The following PLEKHA5 variants were observed in gnomAD, a reference collection of about 807,000 sequenced individuals.
PLEKHA5 encodes the protein pleckstrin homology domain-containing family A member 5.
PLEKHA5 carries 55 observed loss-of-function variants against 181.9 expected under a neutral mutation model. The ratio of observed to expected loss-of-function variants is 0.30; its 90% confidence interval spans 0.24 to 0.38. The LOEUF (loss-of-function observed/expected upper bound fraction) is 0.38, where lower values mean the gene tolerates loss of function less well. Among genes scored for constraint, PLEKHA5 ranks in the 10% least tolerant of loss-of-function variants. PLEKHA5 has a pLI of 1.00. For missense variants in PLEKHA5, 1,432 were observed against 1,549.5 expected (o/e 0.92, Z 1.27); for synonymous variants, 535 against 529.4 (o/e 1.01, Z -0.15).
chr12:19,324,504 A>G (rs889202282), intron 20 of PLEKHA5, among the ~76,000 whole-genome samples: 4 of 152,226 alleles, frequency 2.6e-5, no homozygotes, highest in African/African-American at 7.2e-5. Flanking sequence ...AATAAATAAT[A>G]TACCTAAAAC....
intron 15 of PLEKHA5, among the ~76,000 whole-genome samples, chr12:19,310,178 C>T (rs1047477483): frequency 1.3e-5 from 2 of 152,194 alleles, no homozygotes; most frequent in African/African-American, 2.4e-5. Flanking sequence ...AATCCTTAAA[C>T]ATCCTACGTG....
At chr12:19,374,508 A>C (rs1362841483) in intron 31 of PLEKHA5, among the ~76,000 whole-genome samples, 1 of 151,664 alleles carries the variant, frequency 6.6e-6, no homozygotes, top group African/African-American at 2.4e-5. Context: ...AAAATACAAA[A>C]ATTAGCTGGG....
At chr12:19,301,973 A>G (rs987640835) in intron 15 of PLEKHA5, among the ~76,000 whole-genome samples, 7 of 152,194 alleles carry the variant, frequency 4.6e-5, no homozygotes, top group African/African-American at 1.7e-4. Flanking sequence ...TGACCTATTT[A>G]TAAAGACCCC....
chr12:19,216,104 A>G (rs1441562618), intron 3 of PLEKHA5, among the ~76,000 whole-genome samples: 1 of 152,214 alleles, frequency 6.6e-6, no homozygotes, highest in Non-Finnish European at 1.5e-5. Context: ...ATAAGTTACC[A>G]TGCTGTCAGA....
intron 3 of PLEKHA5, among the ~76,000 whole-genome samples, chr12:19,203,360 C>T (rs1429068316): frequency 6.6e-6 from 1 of 152,096 alleles, no homozygotes; most frequent in Non-Finnish European, 1.5e-5. Context: ...CTTCCAGATT[C>T]CATCCCAGAA....
At chr12:19,185,855 A>T (rs1591980447) in intron 3 of PLEKHA5, among the ~76,000 whole-genome samples, 1 of 152,212 alleles carries the variant, frequency 6.6e-6, no homozygotes, top group East Asian at 1.9e-4. Flanking sequence ...ACACATACAT[A>T]TAAAATCTTG....
chr12:19,209,714 T>G (rs1592073522), intron 3 of PLEKHA5, among the ~76,000 whole-genome samples: 2 of 152,182 alleles, frequency 1.3e-5, no homozygotes, highest in African/African-American at 4.8e-5. Context: ...GTGGAAGTGG[T>G]TTAGTCAAAG....
At chr12:19,271,516 A>G (rs1274320216) in intron 10 of PLEKHA5, among the ~76,000 whole-genome samples, 1 of 152,192 alleles carries the variant, frequency 6.6e-6, no homozygotes, top group African/African-American at 2.4e-5. Flanking sequence ...AAAAATAAAA[A>G]TAAAACTTCA....
chr12:19,195,624 G>T (rs1336754278), intron 3 of PLEKHA5, among the ~76,000 whole-genome samples: 1 of 142,250 alleles, frequency 7.0e-6, no homozygotes, highest in Non-Finnish European at 1.5e-5. Context: ...AGTGCGCTGA[G>T]ATTGCGCCAT....
intron 3 of PLEKHA5, among the ~76,000 whole-genome samples, chr12:19,139,168 G>A (rs1239823605): frequency 6.6e-6 from 1 of 152,120 alleles, no homozygotes; most frequent in Non-Finnish European, 1.5e-5. Context: ...TGCTGAGCAA[G>A]GAGGTTGACA....
intron 3 of PLEKHA5, among the ~76,000 whole-genome samples, chr12:19,232,136 T>C (rs537417606): frequency 1.1e-3 from 164 of 152,286 alleles, no homozygotes; most frequent in Non-Finnish European, 2.0e-3. Context: ...AATGAACTTA[T>C]TAGATGTTAG....
At chr12:19,210,595 A>C (rs1223096148) in intron 3 of PLEKHA5, among the ~76,000 whole-genome samples, 2 of 152,208 alleles carry the variant, frequency 1.3e-5, no homozygotes, top group Non-Finnish European at 2.9e-5. Context: ...GGAGCTATAC[A>C]TTTTCCTTGA....
At chr12:19,297,862 C>T (rs143176271) in intron 15 of PLEKHA5, among the ~76,000 whole-genome samples, 205 of 150,258 alleles carry the variant, frequency 1.4e-3, no homozygotes, top group Non-Finnish European at 2.3e-3. Context: ...GTCTTTTTAT[C>T]AGTACATTTT....
intron 15 of PLEKHA5, chr12:19,306,684 G>A (rs568847089): frequency 2.0e-6 from 3 of 1,473,386 alleles, no homozygotes; most frequent in African/African-American, 2.8e-5. Flanking sequence ...GCTCTGAGCA[G>A]ATGCGGACTC....
chr12:19,171,534 C>T (rs1005064029), intron 3 of PLEKHA5, among the ~76,000 whole-genome samples: 7 of 151,862 alleles, frequency 4.6e-5, no homozygotes, highest in Admixed American at 4.6e-4. Context: ...AGTGGCGGTA[C>T]CTCGGCAGAG....
chr12:19,173,483 A>G (rs922601362), intron 3 of PLEKHA5, among the ~76,000 whole-genome samples: 5 of 151,822 alleles, frequency 3.3e-5, no homozygotes, highest in Admixed American at 2.0e-4. Context: ...GTGCTCCATT[A>G]TCGGAGCCAG....
chr12:19,303,593 A>T (rs558719527), intron 15 of PLEKHA5: 1 of 152,168 alleles, frequency 6.6e-6, no homozygotes, highest in South Asian at 2.1e-4. Flanking sequence ...TCAGGTGTCC[A>T]CACTAAGTTC....
At chr12:19,308,223 A>C (rs2084868086) in intron 15 of PLEKHA5, among the ~76,000 whole-genome samples, 1 of 152,128 alleles carries the variant, frequency 6.6e-6, no homozygotes, top group Non-Finnish European at 1.5e-5. Context: ...CATGAAGAAG[A>C]CATGGATATG....
intron 13 of PLEKHA5, 150 bp downstream of exon 13, chr12:19,287,706 T>A (rs2077514731): frequency 1.7e-6 from 1 of 603,720 alleles, no homozygotes; most frequent in African/African-American, 1.9e-5. Flanking sequence ...TCATCAGAAT[T>A]TGAAATCATG....
Sources: gnomAD v4.1 joint callset for allele counts (sites outside exome capture counted in the v4.1 genomes callset) on GRCh38, gnomAD v4.1.1 for gene constraint, MANE v1.5 for transcripts, NCBI Gene and HGNC (gene_info 2026-07-23, HGNC 2026-07-21) for gene names.